Variants in NOX4 observed in about 807,000 individuals in gnomAD.
NOX4 encodes kidney oxidase-1.
A neutral mutation model predicts 87.6 loss-of-function variants in NOX4; 69 were observed. The ratio of observed to expected loss-of-function variants is 0.79; its 90% CI spans 0.65 to 0.96. NOX4 has a LOEUF of 0.96. NOX4 is among the 40% of genes least tolerant of loss of function. NOX4 has a pLI of 0.00. For missense variants in NOX4, 680 were observed against 681.5 expected (o/e 1.00, Z 0.02); for synonymous variants, 275 against 238.2 (o/e 1.15, Z -1.42).
At chr11:89,509,098 T>A in the NOX4 span, among the ~76,000 whole-genome samples, 4 of 152,112 alleles carry the variant, frequency 2.6e-5, no homozygotes, top group East Asian at 3.9e-4. Flanking sequence ...CTCAAAAAAA[T>A]TGAATCAGAA....
chr11:89,509,562 G>T, the NOX4 span, among the ~76,000 whole-genome samples: 1 of 152,022 alleles, frequency 6.6e-6, no homozygotes, highest in Non-Finnish European at 1.5e-5. Flanking sequence ...AGTAGTGATT[G>T]TAAGATAAAT....
rs532451068 is a variant in NOX4 at position 89,385,049 on chromosome 11, G to A, written c.1075-11557C>T. 6.7e-4 allele frequency among the ~76,000 whole-genome samples: 102 copies of A among 152,124 alleles called. 1 individual carries two copies. The highest frequency in any genetic ancestry group is 2.2e-3 in the African/African-American group (90 of 41,522). ...TTCCACATCTATCCTTGAGGCTACC[G>A]CTCTGTCCCCTCCACTACCTCTCAG... On this transcript the variant is annotated intron_variant, in intron 11 of 17. Transcript: ENST00000263317.
rs1368700142 is a variant in NOX4, at chr11:89,490,503, C to T, written c.108G>A (p.Leu36=). The T allele has an allele frequency of 1.2e-6, 2 of 1,614,032 alleles. No individual in the cohort carries two copies. The highest frequency in any genetic ancestry group is 1.7e-6 in the Non-Finnish European group (2 of 1,179,944). The change falls in exon 2 of 18, where the codon CTG becomes CTA. Residue 36 remains leucine (L), a synonymous_variant. Transcript: ENST00000263317. ...NVLLFWKTFL[L]YNQGPEYHYL... ...AGTGATACTCTGGCCCTTGGTTATA[C>T]AGCAAGAAGGTTTTCCAGAAAAGCA...
chr11:89,424,471 A>G (rs1943266038), intron 7 of NOX4, among the ~76,000 whole-genome samples: 1 of 150,580 alleles, frequency 6.6e-6, no homozygotes, highest in Non-Finnish European at 1.5e-5. Flanking sequence ...TTCATTTTTT[A>G]CTATATGTAA....
intron 11 of NOX4, among the ~76,000 whole-genome samples, chr11:89,376,992 AG>A (rs1866679868): frequency 6.6e-6 from 1 of 152,226 alleles, no homozygotes; most frequent in African/African-American, 2.4e-5. Context: ...CAGGCGGCAG[AG>A]GTTGCAGTGA....
chr11:89,487,770 G>C (rs993124253), intron 2 of NOX4, among the ~76,000 whole-genome samples: 1 of 152,050 alleles, frequency 6.6e-6, no homozygotes, highest in Non-Finnish European at 1.5e-5. Flanking sequence ...ATCAGAACCA[G>C]CAATATTTAT....
intron 7 of NOX4, among the ~76,000 whole-genome samples, chr11:89,426,791 G>A (rs1046431646): frequency 1.1e-4 from 16 of 152,082 alleles, no homozygotes; most frequent in Admixed American, 9.8e-4. Context: ...ACTCCACCTC[G>A]GGGGGCAGGG....
intron 12 of NOX4, among the ~76,000 whole-genome samples, chr11:89,368,136 G>T (rs1224837769): frequency 1.3e-5 from 2 of 151,396 alleles, no homozygotes; most frequent in Non-Finnish European, 2.9e-5. Context: ...TTAGTATATT[G>T]TTATAATTAT....
chr11:89,347,036 G>A (rs1278760558), intron 13 of NOX4, among the ~76,000 whole-genome samples: 1 of 152,066 alleles, frequency 6.6e-6, no homozygotes, highest in Non-Finnish European at 1.5e-5. Context: ...TGCCATCCAG[G>A]TATTCGAATT....
intron 2 of NOX4, among the ~76,000 whole-genome samples, chr11:89,483,650 T>G (rs1946480530): frequency 1.4e-5 from 2 of 140,824 alleles, no homozygotes; most frequent in African/African-American, 6.0e-5. Flanking sequence ...ATACAAAATT[T>G]CAGATAGACA....
At chr11:89,352,074 G>A (rs972518070) in intron 13 of NOX4, among the ~76,000 whole-genome samples, 2 of 152,168 alleles carry the variant, frequency 1.3e-5, no homozygotes, top group African/African-American at 4.8e-5. Flanking sequence ...CATGGATGTA[G>A]AGTATGGAAT....
intron 17 of NOX4, 149 bp downstream of exon 17, chr11:89,335,696 A>C: frequency 2.0e-6 from 1 of 498,072 alleles, no homozygotes. Context: ...TACCTGCCTT[A>C]CTTCTTCCTT....
chr11:89,339,761 T>C (rs1224145497), intron 15 of NOX4, among the ~76,000 whole-genome samples: 1 of 152,150 alleles, frequency 6.6e-6, no homozygotes, highest in Non-Finnish European at 1.5e-5. Flanking sequence ...CCTTTAGCCA[T>C]ATGCATACAT....
At chr11:89,368,319 T>G (rs1939171944) in intron 12 of NOX4, among the ~76,000 whole-genome samples, 1 of 152,126 alleles carries the variant, frequency 6.6e-6, no homozygotes, top group Non-Finnish European at 1.5e-5. Context: ...ACATAAGACC[T>G]ACTTTATGGT....
intron 12 of NOX4, among the ~76,000 whole-genome samples, chr11:89,355,825 T>G (rs1410029527): frequency 6.6e-6 from 1 of 152,114 alleles, no homozygotes; most frequent in South Asian, 2.1e-4. Flanking sequence ...GCAGAAACTT[T>G]CACATGTGTC....
At chr11:89,491,391 C>G (rs922222252), upstream of NOX4, 1 of 727,000 alleles carries the variant, frequency 1.4e-6, no homozygotes, top group Non-Finnish European at 2.1e-6. Context: ...CCCGAAGGCC[C>G]GGCGCCGAGC....
intron 17 of NOX4, among the ~76,000 whole-genome samples, chr11:89,331,048 A>G (rs1945447349): frequency 6.6e-6 from 1 of 152,130 alleles, no homozygotes; most frequent in African/African-American, 2.4e-5. Context: ...ATTCTTTTTA[A>G]GTGCATATGG....
intron 12 of NOX4, among the ~76,000 whole-genome samples, chr11:89,368,819 G>A (rs1051192994): frequency 5.3e-5 from 8 of 151,972 alleles, no homozygotes; most frequent in African/African-American, 1.9e-4. Flanking sequence ...CTATGGAGGT[G>A]GGAAGAGAAG....
chr11:89,377,767 C>T (rs1939966143), intron 11 of NOX4, among the ~76,000 whole-genome samples: 1 of 151,950 alleles, frequency 6.6e-6, no homozygotes, highest in South Asian at 2.1e-4. Flanking sequence ...TGTGTTAAAC[C>T]TGAGAAAGTG....
Sources: allele counts gnomAD v4.1 joint callset (sites outside exome capture counted in the v4.1 genomes callset), GRCh38; gene constraint gnomAD v4.1.1; transcripts MANE v1.5; gene names NCBI Gene and HGNC (gene_info 2026-07-23, HGNC 2026-07-21).